The following ZNF536 variants were observed in gnomAD, a reference collection of about 807,000 sequenced individuals.
ZNF536 encodes the protein zinc finger protein 536.
In ZNF536, 13 loss-of-function variants were observed where a neutral mutation model predicts 84.5. That is an observed-to-expected ratio of 0.15 (90% CI 0.10 to 0.24). ZNF536 has a LOEUF of 0.24. ZNF536 is among the 10% of genes least tolerant of loss of function. The pLI is 1.00. For missense variants in ZNF536, 1,536 were observed against 1,747.5 expected, an observed-to-expected ratio of 0.88 and a Z score of 2.16; for synonymous variants, 811 against 742.5, an observed-to-expected ratio of 1.09 and a Z score of -1.50.
intron 1 of ZNF536, among the ~76,000 whole-genome samples, chr19:30,684,844 C>T (rs943688511): frequency 3.3e-5 from 5 of 152,140 alleles, no homozygotes; most frequent in African/African-American, 1.2e-4. Flanking sequence ...GGCTGAACAG[C>T]CAAGGGCCCT....
intron 1 of ZNF536, among the ~76,000 whole-genome samples, chr19:30,698,172 G>C (rs1362715532): frequency 1.3e-5 from 2 of 152,014 alleles, no homozygotes; most frequent in Non-Finnish European, 2.9e-5. Flanking sequence ...CACGCCTGTA[G>C]TCCCAGCTAC....
intron 1 of ZNF536, among the ~76,000 whole-genome samples, chr19:30,592,207 A>G (rs1346408540): frequency 1.3e-5 from 2 of 152,176 alleles, no homozygotes; most frequent in Non-Finnish European, 2.9e-5. Context: ...AATAGCATCC[A>G]TTTTGGGATA....
rs926866933 is a variant in ZNF536, at chr19:30,466,454, C to T, written c.2170+20722C>T. On this transcript the variant is annotated intron_variant, in intron 2 of 4. Transcript: ENST00000355537. ...TGGTGCATGCCTGTAGTTGTAGCTA[C>T]TCAGGAGGCTGAGGTAGGAGGATTG... 4.7e-5 allele frequency among the ~76,000 whole-genome samples: 7 copies of T among 149,894 alleles called. No individual in the cohort carries two copies. The East Asian group carries it at 1.4e-3, about 30-fold the overall frequency.
At chr19:30,540,419 G>A (rs1185937295) in intron 3 of ZNF536, among the ~76,000 whole-genome samples, 1 of 152,220 alleles carries the variant, frequency 6.6e-6, no homozygotes, top group Non-Finnish European at 1.5e-5. Context: ...ACAGAACTCA[G>A]CCCGCAGGGA....
intron 2 of ZNF536, among the ~76,000 whole-genome samples, chr19:30,519,032 C>T (rs1210368858): frequency 2.0e-5 from 3 of 152,200 alleles, no homozygotes; most frequent in African/African-American, 7.2e-5. Context: ...TACATCTGGG[C>T]GGACTTTCTC....
At chr19:30,581,106 TA>T (rs1381420298) in intron 1 of ZNF536, among the ~76,000 whole-genome samples, 1 of 152,228 alleles carries the variant, frequency 6.6e-6, no homozygotes, top group Non-Finnish European at 1.5e-5. Flanking sequence ...ACTATGTAAG[TA>T]AAACTACTTA....
Position 30,444,585 on chromosome 19 carries a change from G to T in ZNF536, c.1023G>T (p.Ser341=), listed in dbSNP as rs771654842. Residue 341 remains serine (S), a synonymous_variant, in exon 2 of 5, where the codon TCG becomes TCT. Transcript: ENST00000355537. ...GQGPNGGGEQ[S]ANEFRCEVCG... is the part of the protein sequence containing the mutation. ...GCCCCAACGGCGGTGGCGAGCAGTC[G>T]GCCAACGAGTTCCGCTGCGAGGTGT... 1.2e-5 allele frequency: 20 copies of T among 1,613,630 alleles called. No homozygotes were observed. Among genetic ancestry groups the T allele is most frequent in the Non-Finnish European group, 1.6e-5 (19 of 1,180,036 alleles).
Position 30,617,409 on chromosome 19 carries a change from G to A in ZNF536, c.169+67895G>A, listed in dbSNP as rs1178152408. ...TCTGTCACCCAGGCTGGAGTGCAGTGGTGCAATCTCGGCTCACTGCAAGCT... is the reference window on the plus strand; with the variant it reads ...TCTGTCACCCAGGCTGGAGTGCAGTAGTGCAATCTCGGCTCACTGCAAGCT... On this transcript the variant is annotated intron_variant, in intron 1 of 1. Coordinates refer to the ZNF536 transcript ENST00000592773. Among the ~76,000 whole-genome samples, 3 of 135,030 alleles carry A rather than the reference G, an allele frequency of 2.2e-5. No individual in the cohort carries two copies. In the Admixed American group the frequency reaches 2.6e-4, roughly 12 times the overall value. The allele number at this position is 135,030 out of a possible 152,430, so 88.6% of individuals were successfully genotyped here.
At position 30,608,636 on chromosome 19, in the gene ZNF536, T is replaced by A. The variant is rs2047981311; in HGVS notation, c.169+59122T>A. Among the ~76,000 whole-genome samples the A allele has an allele frequency of 2.0e-5, 3 of 152,166 alleles. No homozygotes were observed. The South Asian group carries it at 6.2e-4, about 32-fold the overall frequency. On this transcript the variant is annotated intron_variant, in intron 1 of 1. Transcript: ENST00000592773. ...ACACTGGTGTAGTGCACAGTCAGGC[T>A]GGGTGAGGTTCCTGGCTCTAAGGAA...
At chr19:30,379,329 G>C (rs1349695932) in intron 1 of ZNF536, among the ~76,000 whole-genome samples, 1 of 152,088 alleles carries the variant, frequency 6.6e-6, no homozygotes, top group African/African-American at 2.4e-5. Context: ...TGAGCTCTGT[G>C]CTGCCCGGCA....
intron 1 of ZNF536, among the ~76,000 whole-genome samples, chr19:30,602,701 A>T (rs531598717): frequency 6.6e-6 from 1 of 152,216 alleles, no homozygotes; most frequent in Admixed American, 6.5e-5. Context: ...GGAGCAACAG[A>T]TGCAGGGTTT....
chr19:30,303,224 C>T (rs1282081125), intron 2 of ZNF536, among the ~76,000 whole-genome samples: 1 of 152,196 alleles, frequency 6.6e-6, no homozygotes, highest in Non-Finnish European at 1.5e-5. Flanking sequence ...CTGCTATACA[C>T]CTGCTCCATC....
intron 1 of ZNF536, among the ~76,000 whole-genome samples, chr19:30,433,109 AC>A (rs1276779751): frequency 6.6e-6 from 1 of 152,192 alleles, no homozygotes; most frequent in African/African-American, 2.4e-5. Context: ...CCTGAGCATT[AC>A]AAGCTCCATA....
chr19:30,519,288 G>C (rs757149449), intron 2 of ZNF536, among the ~76,000 whole-genome samples: 1 of 152,224 alleles, frequency 6.6e-6, no homozygotes, highest in Non-Finnish European at 1.5e-5. Context: ...TGTGGATGTC[G>C]AGCCCTGGCT....
intron 1 of ZNF536, among the ~76,000 whole-genome samples, chr19:30,381,039 G>T (rs1278170912): frequency 1.3e-5 from 2 of 151,998 alleles, no homozygotes; most frequent in Non-Finnish European, 2.9e-5. Flanking sequence ...ACCATACTCA[G>T]CTAATTTTAA....
intron 2 of ZNF536, among the ~76,000 whole-genome samples, chr19:30,473,294 C>T (rs960999365): frequency 3.3e-5 from 5 of 151,750 alleles, no homozygotes; most frequent in African/African-American, 1.2e-4. Context: ...GCCAAAACAC[C>T]CTGGCCTCTG....
intron 1 of ZNF536, among the ~76,000 whole-genome samples, chr19:30,380,808 T>G (rs2048992889): frequency 6.6e-6 from 1 of 152,212 alleles, no homozygotes; most frequent in Non-Finnish European, 1.5e-5. Flanking sequence ...TCCACCCAGG[T>G]GCCCGATGCG....
intron 1 of ZNF536, among the ~76,000 whole-genome samples, chr19:30,608,317 G>T (rs1263243048): frequency 1.3e-5 from 2 of 152,156 alleles, no homozygotes; most frequent in Non-Finnish European, 1.5e-5. Flanking sequence ...ATCACAGGAA[G>T]TATTTACCTA....
chr19:30,687,390 G>C (rs927845540), intron 1 of ZNF536, among the ~76,000 whole-genome samples: 8 of 152,144 alleles, frequency 5.3e-5, no homozygotes. Context: ...TGTACAGGAC[G>C]GGGCATCAAA....
Sources: allele counts gnomAD v4.1 joint callset (sites outside exome capture counted in the v4.1 genomes callset), GRCh38; gene constraint gnomAD v4.1.1; transcripts MANE v1.5; gene names NCBI Gene and HGNC (gene_info 2026-07-23, HGNC 2026-07-21).